The following ABCB11 variants were observed in gnomAD, a reference collection of about 807,000 sequenced individuals.
ABCB11 encodes bile salt export pump.
In ABCB11, 95 loss-of-function variants were observed where a neutral mutation model predicts 148.0. That is an observed-to-expected ratio of 0.64 (90% CI 0.54 to 0.76). The LOEUF (loss-of-function observed/expected upper bound fraction) is 0.76, where lower values mean the gene tolerates loss of function less well. ABCB11 is among the 30% of genes least tolerant of loss of function. The probability of loss-of-function intolerance (pLI) is 0.00; values close to 1 mark genes in which losing one functional copy is unlikely to be tolerated. For missense variants in ABCB11, 1,523 were observed against 1,617.8 expected (o/e 0.94, Z 1.01); for synonymous variants, 591 against 555.4 (o/e 1.06, Z -0.90).
Position 168,921,124 on chromosome 2 carries a change from T to C in ABCB11, c.*2498A>G, listed in dbSNP as rs1486152580. On this transcript the variant is annotated 3_prime_UTR_variant, in exon 28 of 28. Transcript: ENST00000650372. ...CTTAATTTCCTCTAAAAGGCATCTT[T>C]ACTCTGCAACTTACTCGTCATTGCC... is the stretch of plus-strand genomic sequence containing the variant. 1.3e-5 allele frequency among the ~76,000 whole-genome samples: 2 copies of C among 152,230 alleles called. No homozygotes were observed. The highest frequency in any genetic ancestry group is 2.9e-5 in the Non-Finnish European group (2 of 68,040).
intron 5 of ABCB11, among the ~76,000 whole-genome samples, chr2:168,997,753 T>A (rs928001057): frequency 6.6e-6 from 1 of 152,034 alleles, no homozygotes; most frequent in Non-Finnish European, 1.5e-5. Flanking sequence ...ACATAATTCA[T>A]TTAATACAGA....
intron 23 of ABCB11, among the ~76,000 whole-genome samples, chr2:168,933,108 CAA>C (rs61264551): frequency 6.2e-5 from 7 of 112,214 alleles, no homozygotes; most frequent in Non-Finnish European, 3.6e-5. Context: ...GACTCCGTCT[CAA>C]AAAAAAAAAA....
At chr2:168,996,824 AAT>A (rs888532260) in intron 5 of ABCB11, 102 bp from the exon 6 acceptor site, 3 of 277,482 alleles carry the variant, frequency 1.1e-5, no homozygotes, top group African/African-American at 2.3e-5. Context: ...ATATATTTTA[AAT>A]ATATATATAA....
chr2:169,028,554 G>C (rs187487090), intron 1 of ABCB11, among the ~76,000 whole-genome samples: 1 of 152,286 alleles, frequency 6.6e-6, no homozygotes, highest in African/African-American at 2.4e-5. Flanking sequence ...GGAGCCCAGT[G>C]AATCTCAGGG....
intron 25 of ABCB11, among the ~76,000 whole-genome samples, chr2:168,929,382 T>G (rs765037320): frequency 9.2e-5 from 14 of 151,966 alleles, no homozygotes; most frequent in Non-Finnish European, 1.6e-4. Flanking sequence ...ACACAAAGGT[T>G]TTCATGAAGA....
chr2:168,976,637 G>T lies in ABCB11; in HGVS notation c.1248C>A (p.Ile416=), dbSNP rs183390670. Residue 416 remains isoleucine, a synonymous_variant, in exon 12 of 28, where the codon ATC becomes ATA. Coordinates refer to ENST00000650372, the MANE Select transcript of ABCB11 (RefSeq NM_003742.4). ...MSEDGYKLDR[I]KGEIEFHNVT... Reference sequence around the variant, plus strand: ...CATTATGGAATTCAATTTCACCCTTGATTCGATCCAACTTGTAACCATCTT... The same window carrying T: ...CATTATGGAATTCAATTTCACCCTTTATTCGATCCAACTTGTAACCATCTT... 207 of 1,610,840 alleles carry T rather than the reference G, an allele frequency of 1.3e-4. 1 individual carries two copies. The East Asian group carries it at 4.3e-3, about 34-fold the overall frequency.
chr2:168,986,625 C>T (rs76641054), intron 9 of ABCB11, among the ~76,000 whole-genome samples: 1 of 152,090 alleles, frequency 6.6e-6, no homozygotes, highest in Non-Finnish European at 1.5e-5. Context: ...CCTTGAGTCA[C>T]ATGACATGTC....
intron 12 of ABCB11, among the ~76,000 whole-genome samples, chr2:168,974,399 G>C (rs561851612): frequency 6.6e-6 from 1 of 151,886 alleles, no homozygotes. Flanking sequence ...GTCTTGCGAG[G>C]AAAGAATGAG....
chr2:168,976,053 T>C (rs918105903), intron 12 of ABCB11, among the ~76,000 whole-genome samples: 2 of 152,104 alleles, frequency 1.3e-5, no homozygotes, highest in Admixed American at 1.3e-4. Context: ...CCATGTGCCC[T>C]GAACAAGACA....
chr2:168,981,399 C>T (rs886583178), intron 10 of ABCB11, among the ~76,000 whole-genome samples: 8 of 152,134 alleles, frequency 5.3e-5, no homozygotes, highest in Non-Finnish European at 1.0e-4. Flanking sequence ...CTCCCATAGG[C>T]AGATTATGTA....
At chr2:168,927,057 G>C in intron 26 of ABCB11, 99 bp downstream of exon 26, 1 of 1,189,702 alleles carries the variant, frequency 8.4e-7, no homozygotes, top group Non-Finnish European at 1.2e-6. Context: ...TTTTGGATTT[G>C]GGATTTTCAG....
chr2:169,002,857 C>G (rs922718257), intron 5 of ABCB11, among the ~76,000 whole-genome samples: 14 of 151,942 alleles, frequency 9.2e-5, no homozygotes, highest in Admixed American at 5.9e-4. Flanking sequence ...ACTGGGCTGA[C>G]TATAGTTAGT....
At chr2:168,966,132 CAG>C (rs1282186554) in intron 17 of ABCB11, among the ~76,000 whole-genome samples, 1 of 151,850 alleles carries the variant, frequency 6.6e-6, no homozygotes, top group Non-Finnish European at 1.5e-5. Context: ...AGTTAGGTAA[CAG>C]AGGTCAGGAT....
At chr2:168,924,943 A>T in intron 26 of ABCB11, 140 bp from the exon 27 acceptor site, 1 of 584,088 alleles carries the variant, frequency 1.7e-6, no homozygotes, top group Non-Finnish European at 2.7e-6. Flanking sequence ...CTCCTATAGG[A>T]TGGAGGATGT....
chr2:168,943,547 C>T (rs910674598), intron 21 of ABCB11, among the ~76,000 whole-genome samples: 2 of 151,910 alleles, frequency 1.3e-5, no homozygotes, highest in Non-Finnish European at 2.9e-5. Context: ...AATATGTTCA[C>T]CTTAGATTAT....
intron 5 of ABCB11, among the ~76,000 whole-genome samples, chr2:169,005,632 C>A (rs950514554): frequency 6.6e-6 from 1 of 152,040 alleles, no homozygotes; most frequent in African/African-American, 2.4e-5. Flanking sequence ...ACAAGCCTCC[C>A]CATTGAGAAA....
At chr2:168,962,702 C>T (rs1051290075) in intron 18 of ABCB11, among the ~76,000 whole-genome samples, 3 of 151,624 alleles carry the variant, frequency 2.0e-5, no homozygotes, top group Admixed American at 1.3e-4. Flanking sequence ...GGTTCTTTCT[C>T]CCCTGAAGCT....
At chr2:168,944,376 C>A (rs1692205917) in intron 21 of ABCB11, among the ~76,000 whole-genome samples, 1 of 151,984 alleles carries the variant, frequency 6.6e-6, no homozygotes, top group South Asian at 2.1e-4. Context: ...AAATCCAAAA[C>A]CCTGACAGAT....
chr2:168,927,903 C>T (rs16856247), intron 25 of ABCB11, among the ~76,000 whole-genome samples: 10,431 of 152,156 alleles, frequency 0.069, 736 homozygotes, highest in East Asian at 0.3. Context: ...CACAAAGCAC[C>T]ATCCTAAGCC....
Sources: allele counts gnomAD v4.1 joint callset (sites outside exome capture counted in the v4.1 genomes callset), GRCh38; gene constraint gnomAD v4.1.1; transcripts MANE v1.5; gene names NCBI Gene and HGNC (gene_info 2026-07-23, HGNC 2026-07-21).